The following MTFR1 variants were observed in gnomAD, a reference collection of about 807,000 sequenced individuals.
The protein encoded by MTFR1 is mitochondrial fission regulator 1, also known as chondrocyte protein with a poly-proline region.
Under a neutral mutation model 38.8 loss-of-function variants are expected in MTFR1, and 28 were observed. The observed-to-expected ratio is 0.72, with a 90% CI of 0.53 to 0.99. The LOEUF (loss-of-function observed/expected upper bound fraction) is 0.99, where lower values mean the gene tolerates loss of function less well. Ranked by LOEUF, MTFR1 falls within the 50% of genes least tolerant of loss-of-function variation. The pLI, the probability that MTFR1 is intolerant of heterozygous loss-of-function variation, is 0.00. For missense variants in MTFR1, 358 were observed against 395.5 expected, an observed-to-expected ratio of 0.91 and a Z score of 0.81; for synonymous variants, 145 against 137.0, an observed-to-expected ratio of 1.06 and a Z score of -0.41.
intron 2 of MTFR1, among the ~76,000 whole-genome samples, chr8:65,674,448 CAAAA>C (rs1433854280): frequency 1.3e-5 from 2 of 151,406 alleles, no homozygotes; most frequent in African/African-American, 4.9e-5. Flanking sequence ...ACGATCTCTA[CAAAA>C]ATTACAAAAA....
intron 1 of MTFR1, among the ~76,000 whole-genome samples, chr8:65,661,889 G>A (rs540624562): frequency 2.0e-5 from 3 of 152,106 alleles, no homozygotes; most frequent in East Asian, 1.9e-4. Context: ...GCTTGAACTC[G>A]AGAGGTGGAG....
intron 1 of MTFR1, among the ~76,000 whole-genome samples, chr8:65,652,404 T>G (rs1250543235): frequency 6.6e-6 from 1 of 152,072 alleles, no homozygotes; most frequent in African/African-American, 2.4e-5. Context: ...GCCCTTAATT[T>G]TTTGTTTTTT....
intron 3 of MTFR1, among the ~76,000 whole-genome samples, chr8:65,755,434 T>G (rs1003872194): frequency 6.6e-6 from 1 of 152,234 alleles, no homozygotes; most frequent in African/African-American, 2.4e-5. Flanking sequence ...GTGGTTACTT[T>G]GGGGTTTACA....
At chr8:65,742,782 A>G (rs1219454243) in intron 3 of MTFR1, among the ~76,000 whole-genome samples, 2 of 152,226 alleles carry the variant, frequency 1.3e-5, no homozygotes, top group African/African-American at 4.8e-5. Context: ...GAATGTATAA[A>G]TCTCCACCTC....
intron 3 of MTFR1, among the ~76,000 whole-genome samples, chr8:65,749,176 A>G (rs1807819786): frequency 6.6e-6 from 1 of 152,220 alleles, no homozygotes; most frequent in Non-Finnish European, 1.5e-5. Flanking sequence ...CTGATATTAT[A>G]ATTAGTTTTT....
chr8:65,744,799 CATGATG>C (rs1286573080), intron 3 of MTFR1, among the ~76,000 whole-genome samples: 3 of 152,112 alleles, frequency 2.0e-5, no homozygotes, highest in Non-Finnish European at 4.4e-5. Context: ...TCTGCCAAGT[CATGATG>C]ATGATGATAC....
chr8:65,759,265 G>A (rs147324610), intron 3 of MTFR1, among the ~76,000 whole-genome samples: 1 of 152,270 alleles, frequency 6.6e-6, no homozygotes, highest in Non-Finnish European at 1.5e-5. Flanking sequence ...CAAAATGGGG[G>A]TGAGGGGCTC....
downstream of MTFR1, among the ~76,000 whole-genome samples, chr8:65,711,414 T>TAGA (rs573592784): frequency 5.8e-4 from 89 of 152,290 alleles, no homozygotes; most frequent in African/African-American, 1.9e-3. Flanking sequence ...CAGAAATAAA[T>TAGA]AGAAGTTCTC....
At chr8:65,755,883 G>A (rs913073828) in intron 3 of MTFR1, among the ~76,000 whole-genome samples, 1 of 152,138 alleles carries the variant, frequency 6.6e-6, no homozygotes, top group Non-Finnish European at 1.5e-5. Context: ...CTAGCCTCCT[G>A]AGTAGCTAGG....
At chr8:65,691,482 T>C (rs1805275592) in intron 3 of MTFR1, among the ~76,000 whole-genome samples, 1 of 151,866 alleles carries the variant, frequency 6.6e-6, no homozygotes, top group Non-Finnish European at 1.5e-5. Flanking sequence ...TAGAGACAGG[T>C]GTTTTGCCAT....
intron 1 of MTFR1, among the ~76,000 whole-genome samples, chr8:65,662,132 C>G (rs1463494758): frequency 6.7e-6 from 1 of 148,970 alleles, no homozygotes; most frequent in East Asian, 2.0e-4. Flanking sequence ...TTTCCACGGT[C>G]TCCCTCTGAT....
chr8:65,653,966 A>G (rs1010198709), intron 1 of MTFR1, among the ~76,000 whole-genome samples: 30 of 151,624 alleles, frequency 2.0e-4, no homozygotes, highest in Non-Finnish European at 4.4e-5. Flanking sequence ...GGGAGGCTGA[A>G]GCAGGAGGAT....
At chr8:65,661,325 A>C (rs1809407843) in intron 1 of MTFR1, among the ~76,000 whole-genome samples, 1 of 152,174 alleles carries the variant, frequency 6.6e-6, no homozygotes, top group Non-Finnish European at 1.5e-5. Context: ...TGTACTTTCT[A>C]CTCAATTTTG....
downstream of MTFR1, among the ~76,000 whole-genome samples, chr8:65,773,100 G>T (rs1295798783): frequency 6.6e-6 from 1 of 152,216 alleles, no homozygotes; most frequent in Non-Finnish European, 1.5e-5. Flanking sequence ...GTCAGTGGAA[G>T]AAGGGAAGGC....
intron 4 of MTFR1, among the ~76,000 whole-genome samples, chr8:65,700,935 T>C (rs1009732839): frequency 2.8e-4 from 43 of 152,362 alleles, no homozygotes; most frequent in African/African-American, 9.1e-4. Context: ...AAGTTACCCC[T>C]CTGCTCACCT....
chr8:65,648,268 CG>C (rs1412925934), intron 1 of MTFR1, among the ~76,000 whole-genome samples: 4 of 152,120 alleles, frequency 2.6e-5, no homozygotes, highest in African/African-American at 9.7e-5. Context: ...TCGCCCACCT[CG>C]GCCTCCCAAA....
intron 3 of MTFR1, chr8:65,727,386 A>G (rs1806655040): frequency 1.9e-6 from 3 of 1,556,210 alleles, no homozygotes; most frequent in Middle Eastern, 1.9e-4. Context: ...TTAGCAGCCA[A>G]TGGTAGTGGT....
chr8:65,764,561 A>G (rs1808673117), intron 3 of MTFR1, among the ~76,000 whole-genome samples: 1 of 152,242 alleles, frequency 6.6e-6, no homozygotes, highest in South Asian at 2.1e-4. Flanking sequence ...ATGCTGAGCA[A>G]ACTATTTGTA....
At chr8:65,662,289 G>A (rs2129049268) in intron 1 of MTFR1, among the ~76,000 whole-genome samples, 1 of 152,122 alleles carries the variant, frequency 6.6e-6, no homozygotes, top group East Asian at 1.9e-4. Flanking sequence ...TGGTGGAGAC[G>A]GGATTTCGCT....
Sources: allele counts gnomAD v4.1 joint callset (sites outside exome capture counted in the v4.1 genomes callset), GRCh38; gene constraint gnomAD v4.1.1; transcripts MANE v1.5; gene names NCBI Gene and HGNC (gene_info 2026-07-23, HGNC 2026-07-21).